Variants in PRIMA1 observed in about 807,000 individuals in gnomAD.
PRIMA1 encodes proline rich membrane anchor 1, also known as proline-rich membrane anchor 1.
PRIMA1 carries 7 observed loss-of-function variants against 17.5 expected under a neutral mutation model. That is an observed-to-expected ratio of 0.40 (90% CI 0.23 to 0.75). The LOEUF is 0.75. Among genes scored for constraint, PRIMA1 ranks in the 30% least tolerant of loss-of-function variants. PRIMA1 has a pLI of 0.37. For missense variants in PRIMA1, 200 were observed against 201.8 expected (o/e 0.99, Z 0.05); for synonymous variants, 97 against 77.9 (o/e 1.25, Z -1.29).
intron 3 of PRIMA1, 121 bp from the exon 4 acceptor site, chr14:93,737,491 A>G: frequency 1.7e-6 from 2 of 1,173,754 alleles, no homozygotes; most frequent in Non-Finnish European, 2.4e-6. Context: ...TGGGACCATC[A>G]TGGGTGACAC....
At chr14:93,785,313 C>T (rs886835541) in intron 2 of PRIMA1, among the ~76,000 whole-genome samples, 1 of 152,022 alleles carries the variant, frequency 6.6e-6, no homozygotes, top group Non-Finnish European at 1.5e-5. Context: ...ATGCTCCCAC[C>T]AACTTTCTGG....
chr14:93,764,516 C>A (rs192322234), intron 3 of PRIMA1, among the ~76,000 whole-genome samples: 1 of 152,236 alleles, frequency 6.6e-6, no homozygotes, highest in South Asian at 2.1e-4. Context: ...ACTCTCCCTG[C>A]GGGTTCACCA....
intron 3 of PRIMA1, among the ~76,000 whole-genome samples, chr14:93,743,460 C>T (rs370590132): frequency 3.9e-5 from 6 of 152,336 alleles, no homozygotes; most frequent in African/African-American, 1.4e-4. Flanking sequence ...TCTCTGCTTC[C>T]GGCTTCCTGA....
At chr14:93,772,446 G>C (rs1885097189) in intron 3 of PRIMA1, among the ~76,000 whole-genome samples, 1 of 152,272 alleles carries the variant, frequency 6.6e-6, no homozygotes, top group African/African-American at 2.4e-5. Context: ...CAGAGGGCGT[G>C]TGTGTGCTTT....
At chr14:93,778,460 C>T (rs766228131) in intron 3 of PRIMA1, among the ~76,000 whole-genome samples, 8 of 152,310 alleles carry the variant, frequency 5.3e-5, no homozygotes, top group Non-Finnish European at 1.2e-4. Flanking sequence ...CCAAATAATT[C>T]CATGGAGATG....
chr14:93,724,750 C>T (rs978136142), intron 4 of PRIMA1, among the ~76,000 whole-genome samples: 1 of 152,192 alleles, frequency 6.6e-6, no homozygotes, highest in African/African-American at 2.4e-5. Context: ...GACCCAAGCC[C>T]ACACTGCATT....
intron 3 of PRIMA1, among the ~76,000 whole-genome samples, chr14:93,748,787 G>A (rs181862943): frequency 3.9e-5 from 6 of 152,178 alleles, no homozygotes; most frequent in East Asian, 3.9e-4. Flanking sequence ...TCTCAGGCTC[G>A]GCTCCTGAGG....
intron 3 of PRIMA1, among the ~76,000 whole-genome samples, chr14:93,778,621 G>A (rs1293637156): frequency 6.6e-6 from 1 of 152,194 alleles, no homozygotes; most frequent in East Asian, 1.9e-4. Flanking sequence ...CAGGGCTGAG[G>A]CCATTTCTGG....
chr14:93,773,360 A>G (rs764661221), intron 3 of PRIMA1, among the ~76,000 whole-genome samples: 56 of 152,350 alleles, frequency 3.7e-4, no homozygotes, highest in Non-Finnish European at 2.2e-4. Context: ...GTCATTCTGT[A>G]GGGCACAGGT....
At chr14:93,747,701 A>T (rs2076228803) in intron 3 of PRIMA1, among the ~76,000 whole-genome samples, 1 of 148,156 alleles carries the variant, frequency 6.7e-6, no homozygotes, top group Non-Finnish European at 1.5e-5. Context: ...AGTGCATATG[A>T]GTGTGTGAGT....
intron 2 of PRIMA1, 43 bp downstream of exon 2, chr14:93,787,583 C>T: frequency 6.5e-7 from 1 of 1,537,306 alleles, no homozygotes; most frequent in Non-Finnish European, 8.7e-7. Flanking sequence ...TCGCCCCTTA[C>T]CCAGGAGGCC....
intron 4 of PRIMA1, among the ~76,000 whole-genome samples, chr14:93,734,281 A>G (rs749691243): frequency 5.1e-4 from 77 of 152,228 alleles, no homozygotes; most frequent in Non-Finnish European, 9.6e-4. Context: ...TGCCCCCGGG[A>G]GGCCGACCTT....
chr14:93,781,848 G>A (rs749051014), intron 2 of PRIMA1, among the ~76,000 whole-genome samples: 10 of 151,866 alleles, frequency 6.6e-5, no homozygotes, highest in South Asian at 6.2e-4. Context: ...GGTGGTGCAC[G>A]CCTGTAGTCC....
At chr14:93,733,027 G>T (rs115627611) in intron 4 of PRIMA1, among the ~76,000 whole-genome samples, 20 of 152,284 alleles carry the variant, frequency 1.3e-4, no homozygotes, top group African/African-American at 3.8e-4. Context: ...AGATAAAAAG[G>T]CTTGTTTACA....
At chr14:93,760,150 T>A (rs978325318) in intron 3 of PRIMA1, among the ~76,000 whole-genome samples, 3 of 152,208 alleles carry the variant, frequency 2.0e-5, no homozygotes, top group African/African-American at 7.2e-5. Flanking sequence ...CAAGGCAACG[T>A]CTTGGCACAA....
chr14:93,787,501 TC>T lies in PRIMA1; in HGVS notation c.93+124del, dbSNP rs878919911. The T allele has an allele frequency of 7.5e-5, 105 of 1,396,414 alleles. 1 individual carries two copies. In the South Asian group the frequency reaches 1.2e-3, roughly 17 times the overall value. 86.5% of individuals were successfully genotyped at this position (1,396,414 alleles called of 1,614,324 possible). ...TAGGGGACCGTAGCAGCTTTTCTTT[TC>T]CCAAGCTCTTCCGAGAACCAATCAG... is the stretch of plus-strand genomic sequence containing the variant. On this transcript the variant is annotated intron_variant, in intron 2 of 4. Coordinates refer to ENST00000393140, the MANE Select transcript of PRIMA1 (RefSeq NM_178013.4).
At chr14:93,768,243 T>C (rs1884951236) in intron 3 of PRIMA1, among the ~76,000 whole-genome samples, 1 of 152,030 alleles carries the variant, frequency 6.6e-6, no homozygotes, top group Non-Finnish European at 1.5e-5. Flanking sequence ...CAGGATTGAG[T>C]TTGGCCTAAA....
rs1024495105 is a variant in PRIMA1, at chr14:93,787,674, G to T, written c.45C>A (p.Ser15=). Reference sequence around the variant, plus strand: ...GGAGCGCGCAGTGCAGCAGCAGCGAGGACCAGCAGCAGCCACGGCGCAGCA... The same window carrying T: ...GGAGCGCGCAGTGCAGCAGCAGCGATGACCAGCAGCAGCCACGGCGCAGCA... ...DLVLRRGCCW[S]SLLLHCALHP... is the part of the protein sequence containing the mutation. Residue 15 remains serine, a synonymous_variant, in exon 2 of 5, where the codon TCC becomes TCA. Transcript: ENST00000393140. The T allele has an allele frequency of 6.5e-7, 1 of 1,544,328 alleles. No homozygotes were observed.
At chr14:93,785,117 C>T (rs573013512) in intron 2 of PRIMA1, among the ~76,000 whole-genome samples, 3 of 147,850 alleles carry the variant, frequency 2.0e-5, no homozygotes, top group South Asian at 2.1e-4. Context: ...CAGGCCAGCA[C>T]CACGGTAACT....
Sources: allele counts gnomAD v4.1 joint callset (sites outside exome capture counted in the v4.1 genomes callset), GRCh38; gene constraint gnomAD v4.1.1; transcripts MANE v1.5; gene names NCBI Gene and HGNC (gene_info 2026-07-23, HGNC 2026-07-21).